Variants in PDE4B observed in about 807,000 individuals in gnomAD.
PDE4B encodes phosphodiesterase 4B, also known as 3',5'-cyclic-AMP phosphodiesterase 4B.
Under a neutral mutation model 82.2 loss-of-function variants are expected in PDE4B, and 20 were observed. That is an observed-to-expected ratio of 0.24 (90% CI 0.17 to 0.35). The LOEUF (loss-of-function observed/expected upper bound fraction) is 0.35, where lower values mean the gene tolerates loss of function less well. Among genes scored for constraint, PDE4B ranks in the 10% least tolerant of loss-of-function variants. PDE4B has a pLI of 1.00. For missense variants in PDE4B, 655 were observed against 907.2 expected, an observed-to-expected ratio of 0.72 and a Z score of 3.57; for synonymous variants, 320 against 318.9, an observed-to-expected ratio of 1.00 and a Z score of -0.04.
intron 3 of PDE4B, among the ~76,000 whole-genome samples, chr1:65,942,818 TTTC>T (rs1381673184): frequency 6.6e-6 from 1 of 152,018 alleles, no homozygotes; most frequent in African/African-American, 2.4e-5. Context: ...GGCATTTGTG[TTTC>T]TTCTTTTGAG....
intron 3 of PDE4B, among the ~76,000 whole-genome samples, chr1:66,168,722 A>C (rs1183310616): frequency 6.6e-6 from 1 of 152,244 alleles, no homozygotes; most frequent in African/African-American, 2.4e-5. Flanking sequence ...ACATTTCTAA[A>C]GAGTTATCTT....
chr1:66,338,246 C>T (rs1557709975), intron 8 of PDE4B, among the ~76,000 whole-genome samples: 1 of 152,112 alleles, frequency 6.6e-6, no homozygotes, highest in African/African-American at 2.4e-5. Flanking sequence ...CATATCCAGT[C>T]CATCTGACTT....
intron 2 of PDE4B, among the ~76,000 whole-genome samples, chr1:65,917,485 A>G (rs568640929): frequency 1.3e-5 from 2 of 152,196 alleles, no homozygotes; most frequent in Non-Finnish European, 2.9e-5. Flanking sequence ...CCTTAAGTTG[A>G]TATCAGTGAC....
chr1:65,991,209 C>T (rs758790045), intron 3 of PDE4B, among the ~76,000 whole-genome samples: 1 of 151,936 alleles, frequency 6.6e-6, no homozygotes, highest in Non-Finnish European at 1.5e-5. Context: ...TCCTGAGTAG[C>T]TGGGATTACA....
chr1:65,911,950 A>G (rs1242176555), intron 1 of PDE4B, among the ~76,000 whole-genome samples: 1 of 152,140 alleles, frequency 6.6e-6, no homozygotes, highest in Non-Finnish European at 1.5e-5. Flanking sequence ...CATAGCTACA[A>G]TTTCATCATG....
intron 3 of PDE4B, among the ~76,000 whole-genome samples, chr1:65,955,625 T>C (rs1326989477): frequency 6.6e-6 from 1 of 152,148 alleles, no homozygotes; most frequent in African/African-American, 2.4e-5. Context: ...TGGTACGTCA[T>C]CTTGCTTCCT....
intron 3 of PDE4B, among the ~76,000 whole-genome samples, chr1:66,149,141 T>C (rs1280695458): frequency 6.6e-6 from 1 of 152,226 alleles, no homozygotes; most frequent in African/African-American, 2.4e-5. Flanking sequence ...TGCTTTTTAC[T>C]GTTTGCCTTT....
At chr1:65,926,335 T>G (rs529167600) in intron 3 of PDE4B, among the ~76,000 whole-genome samples, 32 of 152,346 alleles carry the variant, frequency 2.1e-4, no homozygotes, top group Admixed American at 2.0e-3. Context: ...GTGAACAATA[T>G]TACAGAAAAC....
chr1:66,164,462 G>T (rs552358532), intron 3 of PDE4B, among the ~76,000 whole-genome samples: 1 of 148,504 alleles, frequency 6.7e-6, no homozygotes, highest in South Asian at 2.1e-4. Flanking sequence ...CTTGAACCCG[G>T]GTGGCTGAGG....
intron 3 of PDE4B, among the ~76,000 whole-genome samples, chr1:65,944,738 A>G (rs1197488617): frequency 6.6e-6 from 1 of 151,940 alleles, no homozygotes; most frequent in African/African-American, 2.4e-5. Flanking sequence ...TAAGTCATGT[A>G]AAATAAAGGC....
intron 8 of PDE4B, among the ~76,000 whole-genome samples, chr1:66,342,565 GA>G (rs1274723981): frequency 3.5e-5 from 5 of 143,036 alleles, no homozygotes; most frequent in African/African-American, 1.3e-4. Context: ...AAAAAAAAAA[GA>G]AAAAAAAGAA....
intron 7 of PDE4B, among the ~76,000 whole-genome samples, chr1:66,305,618 T>A (rs1351625457): frequency 6.6e-6 from 1 of 152,150 alleles, no homozygotes. Context: ...CCAGCTCCTT[T>A]AAAGCTGTAC....
At chr1:66,036,100 A>G (rs564205381) in intron 3 of PDE4B, among the ~76,000 whole-genome samples, 19 of 152,282 alleles carry the variant, frequency 1.2e-4, no homozygotes, top group South Asian at 1.2e-3. Context: ...TAGAGATGTT[A>G]AGCACTGTGG....
intron 1 of PDE4B, among the ~76,000 whole-genome samples, chr1:65,829,548 G>C (rs947147308): frequency 2.6e-5 from 4 of 152,134 alleles, no homozygotes; most frequent in African/African-American, 9.7e-5. Flanking sequence ...TATATTCTGG[G>C]CCATAAAACA....
At chr1:66,129,362 T>G (rs1303406927) in intron 3 of PDE4B, among the ~76,000 whole-genome samples, 1 of 152,126 alleles carries the variant, frequency 6.6e-6, no homozygotes, top group Non-Finnish European at 1.5e-5. Flanking sequence ...AGCATATCAT[T>G]TAAACCTCTC....
intron 3 of PDE4B, among the ~76,000 whole-genome samples, chr1:66,028,802 T>C (rs1653597449): frequency 6.6e-6 from 1 of 152,190 alleles, no homozygotes; most frequent in South Asian, 2.1e-4. Context: ...CCCAACAAGT[T>C]CCTCATCTCC....
At chr1:66,310,435 G>A (rs903507407) in intron 7 of PDE4B, among the ~76,000 whole-genome samples, 2 of 152,096 alleles carry the variant, frequency 1.3e-5, no homozygotes, top group Non-Finnish European at 2.9e-5. Context: ...CTTTAGATTT[G>A]GGCTTGAATC....
At chr1:65,993,825 C>A (rs1045630137) in intron 3 of PDE4B, among the ~76,000 whole-genome samples, 1 of 152,014 alleles carries the variant, frequency 6.6e-6, no homozygotes. Context: ...AATTCAAGAA[C>A]CCTCTGTAAA....
At chr1:66,313,413 T>C (rs1174946627) in intron 7 of PDE4B, among the ~76,000 whole-genome samples, 1 of 152,236 alleles carries the variant, frequency 6.6e-6, no homozygotes, top group Non-Finnish European at 1.5e-5. Context: ...CTGGAGAAAC[T>C]GGTTCTTTCT....
Sources: gnomAD v4.1 joint callset for allele counts (sites outside exome capture counted in the v4.1 genomes callset) on GRCh38, gnomAD v4.1.1 for gene constraint, MANE v1.5 for transcripts, NCBI Gene and HGNC (gene_info 2026-07-23, HGNC 2026-07-21) for gene names.